RAB38: variants seen among roughly 807,000 people sequenced by gnomAD.
The protein encoded by RAB38 is ras-related protein Rab-38.
A neutral mutation model predicts 18.4 loss-of-function variants in RAB38; 15 were observed. The ratio of observed to expected loss-of-function variants is 0.82; its 90% CI spans 0.55 to 1.26. The LOEUF (loss-of-function observed/expected upper bound fraction) is 1.26, where lower values mean the gene tolerates loss of function less well. Among genes scored for constraint, RAB38 ranks in the 50% most tolerant of loss-of-function variants. The pLI is 0.00. For synonymous variants in RAB38, 101 were observed against 104.4 expected (o/e 0.97, Z 0.20); for missense variants, 294 against 267.4 (o/e 1.10, Z -0.69).
chr11:88,123,670 C>G (rs915200654), intron 2 of RAB38, among the ~76,000 whole-genome samples: 2 of 152,152 alleles, frequency 1.3e-5, no homozygotes, highest in African/African-American at 4.8e-5. Flanking sequence ...TGTTGCTCCA[C>G]AGGTGATTTC....
chr11:88,052,758 C>T, the RAB38 span, among the ~76,000 whole-genome samples: 1 of 151,162 alleles, frequency 6.6e-6, no homozygotes, highest in East Asian at 1.9e-4. Flanking sequence ...TTGAGGCCAC[C>T]TTTGACAGCA....
At chr11:87,976,257 C>G in the RAB38 span, among the ~76,000 whole-genome samples, 1 of 141,196 alleles carries the variant, frequency 7.1e-6, no homozygotes, top group African/African-American at 2.6e-5. Flanking sequence ...ATATGTTATA[C>G]ATGTAAGAGA....
chr11:87,888,860 T>A, the RAB38 span, among the ~76,000 whole-genome samples: 1 of 151,920 alleles, frequency 6.6e-6, no homozygotes, highest in African/African-American at 2.4e-5. Flanking sequence ...ACTGTTGAAC[T>A]CCAAAGGGAC....
chr11:88,052,935 T>TATATATC, the RAB38 span, among the ~76,000 whole-genome samples: 1,519 of 85,710 alleles, frequency 0.018, 140 homozygotes, highest in African/African-American at 0.063. Flanking sequence ...TATATATATA[T>TATATATC]ATATATATAA....
rs770381011 is a variant in RAB38 at position 88,114,127 on chromosome 11, A to G, written c.497T>C (p.Ile166Thr). The change falls in exon 3 of 3, where the codon ATT becomes ACT. Residue 166 changes from isoleucine to threonine, a missense_variant. Physicochemically the swap from Ile to Thr is moderately conservative, Grantham distance 89 (BLOSUM62 -1). Coordinates refer to ENST00000243662, the MANE Select transcript of RAB38 (RefSeq NM_022337.3). ...CACCAGGCATCTGGAGGCTTCATCA[A>G]TGTTTATATTTTCCTATGAGGGAAA... The part of the protein sequence containing the change: ...FETSAKENIN[I>T]DEASRCLVKH... 4 of 1,614,138 alleles carry G rather than the reference A, an allele frequency of 2.5e-6. No homozygotes were observed. The highest frequency in any genetic ancestry group is 3.3e-5 in the Admixed American group (2 of 60,020).
the RAB38 span, among the ~76,000 whole-genome samples, chr11:88,038,770 A>T: frequency 6.6e-6 from 1 of 152,208 alleles, no homozygotes; most frequent in African/African-American, 2.4e-5. Flanking sequence ...TAGTCCAGAC[A>T]CATCATTTCT....
chr11:88,055,390 C>T, the RAB38 span, among the ~76,000 whole-genome samples: 129 of 152,234 alleles, frequency 8.5e-4, no homozygotes, highest in African/African-American at 2.9e-3. Context: ...CATAAAGCAA[C>T]AGATACACAG....
chr11:87,933,835 C>G, the RAB38 span, among the ~76,000 whole-genome samples: 1 of 152,102 alleles, frequency 6.6e-6, no homozygotes, highest in Non-Finnish European at 1.5e-5. Context: ...CCAAGCTTCT[C>G]TGCCTTGTTG....
chr11:87,817,483 T>G, the RAB38 span: 1 of 152,128 alleles, frequency 6.6e-6, no homozygotes, highest in Non-Finnish European at 1.5e-5. Flanking sequence ...CTAACTTAAT[T>G]TTTTTGTCTT....
chr11:87,871,698 G>A, the RAB38 span, among the ~76,000 whole-genome samples: 1 of 151,446 alleles, frequency 6.6e-6, no homozygotes, highest in African/African-American at 2.4e-5. Flanking sequence ...CATTTTCCCT[G>A]TGGCTAACAA....
the RAB38 span, among the ~76,000 whole-genome samples, chr11:88,033,437 T>C: frequency 6.6e-6 from 1 of 152,146 alleles, no homozygotes; most frequent in South Asian, 2.1e-4. Context: ...AACACATTGA[T>C]GAACCTTTGA....
intron 1 of RAB38, chr11:88,167,248 A>T (rs1037899838): frequency 4.6e-5 from 7 of 152,126 alleles, no homozygotes; most frequent in African/African-American, 1.7e-4. Context: ...CCACAGCATA[A>T]AGGGGAAGGT....
At chr11:88,094,345 G>A in the RAB38 span, among the ~76,000 whole-genome samples, 13 of 151,872 alleles carry the variant, frequency 8.6e-5, no homozygotes, top group Non-Finnish European at 1.8e-4. Context: ...ATAGGCACAT[G>A]GATCAATTTT....
At chr11:87,923,353 G>GAAT in the RAB38 span, among the ~76,000 whole-genome samples, 2 of 151,730 alleles carry the variant, frequency 1.3e-5, 1 homozygote, top group South Asian at 4.1e-4. Context: ...ACTTTTTAGA[G>GAAT]AATTTATTCA....
At chr11:87,824,670 G>T in the RAB38 span, among the ~76,000 whole-genome samples, 1 of 152,064 alleles carries the variant, frequency 6.6e-6, no homozygotes, top group Non-Finnish European at 1.5e-5. Context: ...AGAATTGAAA[G>T]AGAAAGCTGA....
chr11:87,957,030 TA>T, the RAB38 span, among the ~76,000 whole-genome samples: 1 of 151,886 alleles, frequency 6.6e-6, no homozygotes, highest in African/African-American at 2.4e-5. Context: ...TCATGTCACA[TA>T]AAACATTGTT....
chr11:88,045,738 G>C, the RAB38 span, among the ~76,000 whole-genome samples: 1 of 152,142 alleles, frequency 6.6e-6, no homozygotes, highest in Non-Finnish European at 1.5e-5. Context: ...TGGAGGTCAA[G>C]TCCGTCCCCT....
intron 2 of RAB38, among the ~76,000 whole-genome samples, chr11:88,134,747 C>G (rs1233420016): frequency 1.3e-5 from 2 of 152,216 alleles, no homozygotes; most frequent in Non-Finnish European, 2.9e-5. Flanking sequence ...TCCAACCTTT[C>G]TCACTATAAT....
At chr11:88,022,555 A>G in the RAB38 span, among the ~76,000 whole-genome samples, 5 of 127,950 alleles carry the variant, frequency 3.9e-5, no homozygotes, top group Non-Finnish European at 7.8e-5. Context: ...AAGAAGCCAA[A>G]CTATTCTTAT....
Sources: gnomAD v4.1 joint callset for allele counts (sites outside exome capture counted in the v4.1 genomes callset) on GRCh38, gnomAD v4.1.1 for gene constraint, MANE v1.5 for transcripts, NCBI Gene and HGNC (gene_info 2026-07-23, HGNC 2026-07-21) for gene names.